The following ADAMTSL1 variants were observed in gnomAD, a reference collection of about 807,000 sequenced individuals.
ADAMTSL1 encodes ADAMTS-like protein 1.
ADAMTSL1 carries 126 observed loss-of-function variants against 201.8 expected under a neutral mutation model. The observed-to-expected ratio is 0.62, with a 90% confidence interval of 0.54 to 0.72. ADAMTSL1 has a LOEUF of 0.72. Among genes scored for constraint, ADAMTSL1 ranks in the 30% least tolerant of loss-of-function variants. The probability of loss-of-function intolerance (pLI) is 0.00; values close to 1 mark genes in which losing one functional copy is unlikely to be tolerated. For missense variants in ADAMTSL1, 2,679 were observed against 2,277.8 expected, an observed-to-expected ratio of 1.18 and a Z score of -3.59; for synonymous variants, 1,121 against 903.4, an observed-to-expected ratio of 1.24 and a Z score of -4.32.
intron 1 of ADAMTSL1, among the ~76,000 whole-genome samples, chr9:17,963,913 T>G (rs995991536): frequency 2.0e-5 from 3 of 152,178 alleles, no homozygotes; most frequent in African/African-American, 7.2e-5. Context: ...TGGCTCTCAC[T>G]TTCCAATTCT....
intron 1 of ADAMTSL1, among the ~76,000 whole-genome samples, chr9:18,022,257 TG>T (rs1820508534): frequency 6.6e-6 from 1 of 152,186 alleles, no homozygotes; most frequent in Admixed American, 6.5e-5. Flanking sequence ...TACCTCATGT[TG>T]ACCTTAGGGA....
chr9:18,342,451 G>C (rs1286479360), intron 2 of ADAMTSL1, among the ~76,000 whole-genome samples: 1 of 152,146 alleles, frequency 6.6e-6, no homozygotes, highest in Non-Finnish European at 1.5e-5. Flanking sequence ...AGGACTAAGA[G>C]GAGGGTCCAC....
chr9:17,927,885 G>C (rs947232491), intron 1 of ADAMTSL1, among the ~76,000 whole-genome samples: 1 of 152,054 alleles, frequency 6.6e-6, no homozygotes, highest in Non-Finnish European at 1.5e-5. Flanking sequence ...GCATTCATTA[G>C]TGGACACTTG....
chr9:18,889,779 C>T (rs1278271176), intron 25 of ADAMTSL1, 31 bp downstream of exon 25: 1 of 1,432,526 alleles, frequency 7.0e-7, no homozygotes, highest in East Asian at 2.7e-5. Flanking sequence ...CTCAGACCTC[C>T]CCACCCTAGG....
chr9:17,986,900 T>C (rs546044517), intron 1 of ADAMTSL1, among the ~76,000 whole-genome samples: 1 of 152,240 alleles, frequency 6.6e-6, no homozygotes, highest in East Asian at 1.9e-4. Flanking sequence ...AAAAAAGTGC[T>C]AAAATGTAAA....
At chr9:18,612,263 T>A (rs1207521774) in intron 4 of ADAMTSL1, among the ~76,000 whole-genome samples, 3 of 152,188 alleles carry the variant, frequency 2.0e-5, no homozygotes, top group South Asian at 2.1e-4. Flanking sequence ...AAATGATTTG[T>A]CCTTAGAGAT....
intron 1 of ADAMTSL1, among the ~76,000 whole-genome samples, chr9:18,028,882 C>T (rs181000207): frequency 0.023 from 3,446 of 152,220 alleles, 48 homozygotes; most frequent in Middle Eastern, 0.041. Flanking sequence ...ATTGATTCTT[C>T]CTACCCATGA....
intron 1 of ADAMTSL1, among the ~76,000 whole-genome samples, chr9:18,096,151 T>C (rs1417570652): frequency 6.6e-6 from 1 of 152,234 alleles, no homozygotes; most frequent in African/African-American, 2.4e-5. Context: ...AACAGCATCA[T>C]GTAAGTAATA....
chr9:18,212,294 A>G (rs1269789333), intron 2 of ADAMTSL1, among the ~76,000 whole-genome samples: 2 of 152,066 alleles, frequency 1.3e-5, no homozygotes, highest in Non-Finnish European at 2.9e-5. Flanking sequence ...GTGTTTATGA[A>G]CTTTATGACC....
intron 1 of ADAMTSL1, among the ~76,000 whole-genome samples, chr9:17,983,323 C>G (rs1353361936): frequency 6.6e-6 from 1 of 152,052 alleles, no homozygotes; most frequent in Non-Finnish European, 1.5e-5. Context: ...CCCGCCTCAG[C>G]CTCCCAAAGT....
intron 2 of ADAMTSL1, among the ~76,000 whole-genome samples, chr9:18,178,387 G>C (rs1384998559): frequency 1.3e-5 from 2 of 152,234 alleles, no homozygotes; most frequent in Non-Finnish European, 2.9e-5. Context: ...CACCCATGGA[G>C]TCTCGCTGAT....
chr9:18,476,521 C>T (rs911700226), intron 1 of ADAMTSL1, among the ~76,000 whole-genome samples: 1 of 152,000 alleles, frequency 6.6e-6, no homozygotes, highest in African/African-American at 2.4e-5. Flanking sequence ...CATTAACTGC[C>T]CCCTTTAGCA....
At chr9:18,432,622 A>G (rs995336289) in intron 2 of ADAMTSL1, among the ~76,000 whole-genome samples, 3 of 152,178 alleles carry the variant, frequency 2.0e-5, no homozygotes, top group African/African-American at 7.2e-5. Flanking sequence ...CACTAGATTG[A>G]ACCAATAAAA....
intron 4 of ADAMTSL1, among the ~76,000 whole-genome samples, chr9:18,583,159 T>C (rs775801933): frequency 2.0e-5 from 3 of 152,154 alleles, no homozygotes; most frequent in Non-Finnish European, 2.9e-5. Flanking sequence ...TGGAAGCAAC[T>C]TTGGAACTGG....
At chr9:18,128,854 G>T (rs186929278) in intron 1 of ADAMTSL1, among the ~76,000 whole-genome samples, 1 of 152,074 alleles carries the variant, frequency 6.6e-6, no homozygotes, top group African/African-American at 2.4e-5. Flanking sequence ...CAGAAAGAAG[G>T]TGGCCATAGA....
intron 2 of ADAMTSL1, among the ~76,000 whole-genome samples, chr9:18,464,351 CA>C (rs1227511907): frequency 1.3e-5 from 2 of 152,146 alleles, no homozygotes; most frequent in African/African-American, 2.4e-5. Context: ...ATTTGATTAA[CA>C]AAAACCTGTA....
chr9:18,665,216 A>C (rs1448295656), intron 9 of ADAMTSL1, among the ~76,000 whole-genome samples: 1 of 152,144 alleles, frequency 6.6e-6, no homozygotes, highest in African/African-American at 2.4e-5. Context: ...GAAATAAACT[A>C]GATATGGCTA....
rs376298200 is a variant in ADAMTSL1, at chr9:18,829,027, C to T, written c.4115-816C>T. Among the ~76,000 whole-genome samples, 126 of 152,112 alleles carry T rather than the reference C, an allele frequency of 8.3e-4. 1 individual carries two copies. The South Asian group carries it at 0.025, about 30-fold the overall frequency. On this transcript the variant is annotated intron_variant, in intron 22 of 28. Transcript: ENST00000380548. ...GCCTTGGGAGTGTAAATTGCAGTTC[C>T]TCAGGAGATGCAGGAAGAGGGGAAA...
In ADAMTSL1 at chr9:18,602,369, G is replaced by T. The variant is rs116876545; in HGVS notation, c.475-19874G>T. The stretch of plus-strand genomic sequence containing the variant: ...TCTTCTTTAGCCAAAAGTTCACCAG[G>T]GTTCAAACAATTTCTTAATGGATTC... On this transcript the variant is annotated intron_variant, in intron 4 of 28. Coordinates refer to ENST00000380548, the MANE Select transcript of ADAMTSL1 (RefSeq NM_001040272.6). Among the ~76,000 whole-genome samples the T allele has an allele frequency of 1.7e-4, 26 of 152,310 alleles. No homozygotes were observed. The East Asian group carries it at 4.4e-3, about 26-fold the overall frequency.
Sources: gnomAD v4.1 joint callset for allele counts (sites outside exome capture counted in the v4.1 genomes callset) on GRCh38, gnomAD v4.1.1 for gene constraint, MANE v1.5 for transcripts, NCBI Gene and HGNC (gene_info 2026-07-23, HGNC 2026-07-21) for gene names.